Variants in SGTB observed in about 807,000 individuals in gnomAD.
SGTB encodes the protein small glutamine rich tetratricopeptide repeat co-chaperone beta.
In SGTB, 19 loss-of-function variants were observed where a neutral mutation model predicts 43.9. That is an observed-to-expected ratio of 0.43 (90% CI 0.30 to 0.63). SGTB has a LOEUF of 0.63. Ranked by LOEUF, SGTB falls within the 30% of genes least tolerant of loss-of-function variation. The pLI is 0.12. For missense variants in SGTB, 304 were observed against 358.9 expected (o/e 0.85, Z 1.24); for synonymous variants, 116 against 117.3 (o/e 0.99, Z 0.07).
At position 65,667,084 on chromosome 5, in the gene SGTB, A is replaced by G. The variant is rs1200189448; in HGVS notation, c.*3162T>C. ...GGTTTTTAACTTAACCACAAACTCAATTTCCTTAATAAATATGGTTCTGTT... is the reference window on the plus strand; with the variant it reads ...GGTTTTTAACTTAACCACAAACTCAGTTTCCTTAATAAATATGGTTCTGTT... On this transcript the variant is annotated 3_prime_UTR_variant, in exon 11 of 11. Transcript: ENST00000381007. The G allele has an allele frequency of 6.6e-6, 1 of 152,178 alleles. No individual in the cohort carries two copies. Among genetic ancestry groups the G allele is most frequent in the Non-Finnish European group, 1.5e-5 (1 of 68,016 alleles). 9.4% of individuals were successfully genotyped at this position (152,178 alleles called of 1,614,324 possible). A position where few individuals can be genotyped will look rare whatever the true frequency, so the allele number is the denominator to read the frequency against.
chr5:65,681,209 G>T (rs1025333755), intron 6 of SGTB, among the ~76,000 whole-genome samples: 2 of 152,034 alleles, frequency 1.3e-5, no homozygotes, highest in Non-Finnish European at 2.9e-5. Context: ...CTTCAAAATG[G>T]CCTACATGCT....
At chr5:65,722,628 C>A (rs897820800), upstream of SGTB, 7 of 532,632 alleles carry the variant, frequency 1.3e-5, no homozygotes, top group African/African-American at 2.0e-5. Context: ...GGAGGACGTC[C>A]ATTCCTCTTT....
At chr5:65,719,900 C>T (rs894510617) in intron 2 of SGTB, among the ~76,000 whole-genome samples, 1 of 152,020 alleles carries the variant, frequency 6.6e-6, no homozygotes, top group Non-Finnish European at 1.5e-5. Context: ...AATTATTAGA[C>T]TTTTACATAG....
At chr5:65,722,608 C>G, upstream of SGTB, 1 of 538,636 alleles carries the variant, frequency 1.9e-6, no homozygotes. Context: ...TTCCCGCCTC[C>G]GCTCCCTCGG....
rs1757084925 is a variant in SGTB at position 65,668,449 on chromosome 5, A to T, written c.*1797T>A. On this transcript the variant is annotated 3_prime_UTR_variant, in exon 11 of 11. Coordinates refer to ENST00000381007, the MANE Select transcript of SGTB (RefSeq NM_019072.3). ...ATACGGTGGAACTCTCTCCATTAAAAACAAAAATTAGCGGCCAGGCACGGT... is the reference window on the plus strand; with the variant it reads ...ATACGGTGGAACTCTCTCCATTAAATACAAAAATTAGCGGCCAGGCACGGT... 1 of 151,806 alleles carries T rather than the reference A, an allele frequency of 6.6e-6. No individual in the cohort carries two copies. The highest frequency in any genetic ancestry group is 2.4e-5 in the African/African-American group (1 of 41,298). 9.4% of individuals were successfully genotyped at this position (151,806 alleles called of 1,614,324 possible).
chr5:65,719,150 G>C (rs1490542902), intron 2 of SGTB, among the ~76,000 whole-genome samples: 1 of 152,214 alleles, frequency 6.6e-6, no homozygotes, highest in African/African-American at 2.4e-5. Flanking sequence ...AGGAGGTTTA[G>C]AGCAAATGCC....
At chr5:65,699,044 G>GA (rs200041883) in intron 5 of SGTB, among the ~76,000 whole-genome samples, 2,383 of 151,204 alleles carry the variant, frequency 0.016, 53 homozygotes, top group African/African-American at 0.055. Context: ...CCCACCCAAA[G>GA]AAAAAAAAAT....
At chr5:65,710,939 T>C (rs1481414174) in intron 3 of SGTB, among the ~76,000 whole-genome samples, 1 of 146,934 alleles carries the variant, frequency 6.8e-6, no homozygotes, top group Admixed American at 7.0e-5. Context: ...GAAGTTGCAG[T>C]CAGCTGAGAT....
upstream of SGTB, chr5:65,722,710 G>T: frequency 2.3e-6 from 1 of 439,518 alleles, no homozygotes; most frequent in Non-Finnish European, 4.1e-6. Flanking sequence ...CAAATAGTTT[G>T]GATAAGAAAA....
intron 5 of SGTB, among the ~76,000 whole-genome samples, chr5:65,689,566 G>C (rs188419598): frequency 6.6e-6 from 1 of 152,040 alleles, no homozygotes; most frequent in Non-Finnish European, 1.5e-5. Flanking sequence ...AAGATACAGC[G>C]AAGGAGTAAA....
intron 5 of SGTB, among the ~76,000 whole-genome samples, chr5:65,697,987 T>A (rs1342736391): frequency 1.3e-5 from 2 of 152,194 alleles, no homozygotes; most frequent in Non-Finnish European, 2.9e-5. Flanking sequence ...TTCTTTCATA[T>A]GAAACTCTAG....
At chr5:65,691,725 G>C (rs1419931049) in intron 5 of SGTB, among the ~76,000 whole-genome samples, 1 of 151,366 alleles carries the variant, frequency 6.6e-6, no homozygotes, top group Non-Finnish European at 1.5e-5. Context: ...CAGATCACAA[G>C]GTCAGGAGAT....
upstream of SGTB, chr5:65,722,624 C>T: frequency 1.9e-6 from 1 of 532,920 alleles, no homozygotes; most frequent in South Asian, 2.3e-5. Flanking sequence ...CTCGGGAGGA[C>T]GTCCATTCCT....
At chr5:65,712,931 G>A (rs771790450) in intron 3 of SGTB, 30 bp downstream of exon 3, 2 of 1,546,078 alleles carry the variant, frequency 1.3e-6, no homozygotes, top group Non-Finnish European at 1.8e-6. Context: ...AGTCATATCA[G>A]TTAATAATGA....
chr5:65,668,134 G>A lies in SGTB; in HGVS notation c.*2112C>T, dbSNP rs1757079521. ...AGCCAGGCTAATTTTTGTATTTTCAGTAGAGGTGGGTTTCACCATGTTGGC... is the reference window on the plus strand; with the variant it reads ...AGCCAGGCTAATTTTTGTATTTTCAATAGAGGTGGGTTTCACCATGTTGGC... On this transcript the variant is annotated 3_prime_UTR_variant, in exon 11 of 11. Transcript: ENST00000381007. 1 of 151,802 alleles carries A rather than the reference G, an allele frequency of 6.6e-6. No individual in the cohort carries two copies. Among genetic ancestry groups the A allele is most frequent in the African/African-American group, 2.4e-5 (1 of 41,350 alleles). 9.4% of individuals were successfully genotyped at this position (151,802 alleles called of 1,614,324 possible). A position where few individuals can be genotyped will look rare whatever the true frequency, so the allele number is the denominator to read the frequency against.
chr5:65,679,724 A>T (rs1757357561), intron 8 of SGTB, among the ~76,000 whole-genome samples: 1 of 152,242 alleles, frequency 6.6e-6, no homozygotes. Context: ...GGAAATGTAA[A>T]TTAGTTCAAC....
intron 8 of SGTB, among the ~76,000 whole-genome samples, chr5:65,679,629 AAAC>A (rs763946726): frequency 6.1e-4 from 93 of 152,196 alleles, no homozygotes; most frequent in Non-Finnish European, 1.1e-3. Flanking sequence ...AAAAACAAAC[AAAC>A]AACAACAACA....
chr5:65,685,334 A>G (rs1438391476), intron 6 of SGTB, 34 bp downstream of exon 6: 4 of 1,575,666 alleles, frequency 2.5e-6, no homozygotes, highest in Admixed American at 1.7e-5. Flanking sequence ...CTGATGCTAC[A>G]TGGTACTACT....
intron 3 of SGTB, 42 bp downstream of exon 3, chr5:65,712,919 G>T (rs769970132): frequency 1.4e-6 from 2 of 1,456,804 alleles, no homozygotes; most frequent in East Asian, 4.6e-5. Context: ...ACATAAAATT[G>T]TAGTCATATC....
Sources: allele counts gnomAD v4.1 joint callset (sites outside exome capture counted in the v4.1 genomes callset), GRCh38; gene constraint gnomAD v4.1.1; transcripts MANE v1.5; gene names NCBI Gene and HGNC (gene_info 2026-07-23, HGNC 2026-07-21).